GLIS3: variants seen among roughly 807,000 people sequenced by gnomAD.
GLIS3 encodes the protein GLIS family zinc finger 3, also known as zinc finger protein GLIS3.
A neutral mutation model predicts 78.6 loss-of-function variants in GLIS3; 53 were observed. The observed-to-expected ratio is 0.67, with a 90% CI of 0.54 to 0.85. GLIS3 has a LOEUF of 0.85. Ranked by LOEUF, GLIS3 falls within the 40% of genes least tolerant of loss-of-function variation. The probability of loss-of-function intolerance (pLI) is 0.00; values close to 1 mark genes in which losing one functional copy is unlikely to be tolerated. For synonymous variants in GLIS3, 684 were observed against 509.9 expected (o/e 1.34, Z -4.60); for missense variants, 1,703 against 1,231.1 (o/e 1.38, Z -5.74).
intron 2 of GLIS3, among the ~76,000 whole-genome samples, chr9:4,259,600 A>G (rs1825319067): frequency 6.6e-6 from 1 of 152,216 alleles, no homozygotes; most frequent in Admixed American, 6.5e-5. Context: ...AACTGAGACC[A>G]AAGTTAAATG....
intron 2 of GLIS3, among the ~76,000 whole-genome samples, chr9:4,316,816 T>G (rs12377082): frequency 0.35 from 53,916 of 152,048 alleles, 9,549 homozygotes; most frequent in East Asian, 0.46. Flanking sequence ...TAAAAATGTA[T>G]GCATAGCTCA....
intron 2 of GLIS3, among the ~76,000 whole-genome samples, chr9:4,141,371 G>A (rs1833802500): frequency 6.6e-6 from 1 of 152,150 alleles, no homozygotes. Flanking sequence ...TGGGCTCCCA[G>A]CTCCAGCAAA....
chr9:4,483,064 C>T, the GLIS3 span, among the ~76,000 whole-genome samples: 1 of 152,284 alleles, frequency 6.6e-6, no homozygotes, highest in South Asian at 2.1e-4. Context: ...AGGGAAATGC[C>T]TCTCAACTTT....
chr9:3,877,138 C>A (rs368551808), intron 8 of GLIS3, among the ~76,000 whole-genome samples: 3 of 152,030 alleles, frequency 2.0e-5, no homozygotes, highest in Non-Finnish European at 4.4e-5. Context: ...CTGAGCTTCA[C>A]GACATTGTGG....
chr9:4,333,979 G>T (rs1383596523), intron 2 of GLIS3, among the ~76,000 whole-genome samples: 1 of 152,158 alleles, frequency 6.6e-6, no homozygotes. Flanking sequence ...TGCAGGAGAG[G>T]AAAGGACTAG....
chr9:4,050,170 C>T (rs571803516), intron 4 of GLIS3, among the ~76,000 whole-genome samples: 1 of 152,240 alleles, frequency 6.6e-6, no homozygotes, highest in Admixed American at 6.5e-5. Flanking sequence ...GCGGCCTATT[C>T]ACCATAGCAA....
intron 8 of GLIS3, 106 bp from the exon 9 acceptor site, chr9:3,856,290 C>G: frequency 2.0e-6 from 2 of 999,708 alleles, no homozygotes; most frequent in Non-Finnish European, 3.1e-6. Flanking sequence ...TATACAAGAG[C>G]GTGACAACAA....
chr9:3,985,773 A>G (rs998904791), intron 4 of GLIS3, among the ~76,000 whole-genome samples: 3 of 152,252 alleles, frequency 2.0e-5, no homozygotes, highest in Admixed American at 1.3e-4. Context: ...GCAACATTCA[A>G]TGGAAGCAGA....
At chr9:4,166,261 T>C (rs925041846) in intron 2 of GLIS3, among the ~76,000 whole-genome samples, 3 of 152,124 alleles carry the variant, frequency 2.0e-5, no homozygotes, top group Non-Finnish European at 4.4e-5. Context: ...AAGAGATCTA[T>C]AGGGTTGATG....
chr9:3,862,738 G>C (rs899778024), intron 8 of GLIS3, among the ~76,000 whole-genome samples: 1 of 152,086 alleles, frequency 6.6e-6, no homozygotes, highest in Non-Finnish European at 1.5e-5. Flanking sequence ...ATGTGTTCTG[G>C]ATAGTTTTTC....
chr9:3,915,711 T>C (rs1374722126), intron 6 of GLIS3, among the ~76,000 whole-genome samples: 1 of 152,192 alleles, frequency 6.6e-6, no homozygotes, highest in Non-Finnish European at 1.5e-5. Context: ...CCTGGAAAGA[T>C]GCTATTACTG....
intron 4 of GLIS3, among the ~76,000 whole-genome samples, chr9:3,945,210 C>G (rs1259795270): frequency 6.6e-6 from 1 of 152,190 alleles, no homozygotes; most frequent in Non-Finnish European, 1.5e-5. Context: ...TTTCTGTGTA[C>G]CTGTGTTTCT....
At chr9:4,486,385 CAA>C in the GLIS3 span, among the ~76,000 whole-genome samples, 1,828 of 152,272 alleles carry the variant, frequency 0.012, 29 homozygotes, top group African/African-American at 0.042. Flanking sequence ...CTTTCACTAT[CAA>C]AGAGAACTAT....
In GLIS3 at chr9:4,046,978, A is replaced by G. The variant is rs372830663; in HGVS notation, c.1710+70790T>C. Among the ~76,000 whole-genome samples the G allele has an allele frequency of 2.6e-5, 4 of 152,282 alleles. No individual in the cohort carries two copies. In the South Asian group the frequency reaches 8.3e-4, roughly 32 times the overall value. On this transcript the variant is annotated intron_variant, in intron 4 of 10. Transcript: ENST00000381971. ...CAAAGTCTCAACAAACACTAATGGG[A>G]AAGTTGTCGGAGTGTAGACTTCAAA...
chr9:4,207,324 A>G (rs1019779091), intron 2 of GLIS3, among the ~76,000 whole-genome samples: 1 of 152,246 alleles, frequency 6.6e-6, no homozygotes, highest in African/African-American at 2.4e-5. Flanking sequence ...CAGCATGACA[A>G]GAGGAGCACT....
chr9:3,909,631 A>G (rs1192672286), intron 6 of GLIS3, among the ~76,000 whole-genome samples: 2 of 152,232 alleles, frequency 1.3e-5, no homozygotes, highest in Non-Finnish European at 2.9e-5. Flanking sequence ...ATGGGTACAC[A>G]TGCTGGGGTA....
At chr9:4,449,722 G>T in the GLIS3 span, among the ~76,000 whole-genome samples, 1 of 152,144 alleles carries the variant, frequency 6.6e-6, no homozygotes, top group African/African-American at 2.4e-5. Context: ...TGGACCTCTA[G>T]CAAACTCCAA....
chr9:4,475,664 A>C, the GLIS3 span, among the ~76,000 whole-genome samples: 1 of 152,228 alleles, frequency 6.6e-6, no homozygotes, highest in East Asian at 1.9e-4. Context: ...TTGAGTAAGC[A>C]CAAGAATATA....
chr9:4,289,805 G>C (rs952037609), intron 1 of GLIS3, among the ~76,000 whole-genome samples: 8 of 152,230 alleles, frequency 5.3e-5, no homozygotes, highest in African/African-American at 1.9e-4. Flanking sequence ...GCTAATATGA[G>C]TCAGCATGAA....
Sources: gnomAD v4.1 joint callset for allele counts (sites outside exome capture counted in the v4.1 genomes callset) on GRCh38, gnomAD v4.1.1 for gene constraint, MANE v1.5 for transcripts, NCBI Gene and HGNC (gene_info 2026-07-23, HGNC 2026-07-21) for gene names.